The following KDM6B variants were observed in gnomAD, a reference collection of about 807,000 sequenced individuals.
KDM6B encodes lysine-specific demethylase 6B.
KDM6B carries 22 observed loss-of-function variants against 150.4 expected under a neutral mutation model. The ratio of observed to expected loss-of-function variants is 0.15; its 90% confidence interval spans 0.10 to 0.21. KDM6B has a LOEUF of 0.21. Ranked by LOEUF, KDM6B falls within the 10% of genes least tolerant of loss-of-function variation. The pLI is 1.00. For synonymous variants in KDM6B, 1,148 were observed against 921.1 expected (o/e 1.25, Z -4.46); for missense variants, 1,984 against 2,234.3 (o/e 0.89, Z 2.26).
intron 18 of KDM6B, 62 bp downstream of exon 18, chr17:7,851,858 C>G (rs937022541): frequency 1.2e-5 from 19 of 1,570,524 alleles, no homozygotes; most frequent in African/African-American, 2.7e-5. Context: ...GGCGGCGGCG[C>G]TCAGCCGTCA....
intron 2 of KDM6B, among the ~76,000 whole-genome samples, chr17:7,841,470 GAC>G (rs2078412918): frequency 6.6e-6 from 1 of 152,230 alleles, no homozygotes; most frequent in African/African-American, 2.4e-5. Context: ...CATGTGCGGA[GAC>G]ACACGTGATC....
rs768893856 is a variant in KDM6B, at chr17:7,847,852, C to T, written c.1564C>T (p.Arg522Cys). Residue 522 changes from arginine (R) to cysteine (C), a missense_variant, in exon 12 of 24, where the codon CGC becomes TGC. Physicochemically the swap from Arg to Cys is radical, Grantham distance 180. Transcript: ENST00000448097. Reference sequence around the variant, plus strand: ...CCCTGCCCCACCACCCCTCCCCCATCGCGAGGGCTTCTTGGGGCCTCCGGC... The same window carrying T: ...CCCTGCCCCACCACCCCTCCCCCATTGCGAGGGCTTCTTGGGGCCTCCGGC... Reference protein sequence around the residue: ...PRPAPPPLPHREGFLGPPASR... With the variant: ...PRPAPPPLPHCEGFLGPPASR... 9.0e-6 allele frequency: 14 copies of T among 1,548,648 alleles called. No individual in the cohort carries two copies. Among genetic ancestry groups the T allele is most frequent in the Admixed American group, 5.7e-5 (3 of 53,088 alleles).
rs1228092707 is a variant in KDM6B at position 7,854,390 on chromosome 17, A to G, written c.*869A>G. The G allele has an allele frequency of 6.6e-6, 1 of 151,896 alleles. No homozygotes were observed. Among genetic ancestry groups the G allele is most frequent in the Non-Finnish European group, 1.5e-5 (1 of 67,728 alleles). 9.4% of individuals were successfully genotyped at this position (151,896 alleles called of 1,614,324 possible). A position where few individuals can be genotyped will look rare whatever the true frequency, so the allele number is the denominator to read the frequency against. Reference sequence around the variant, plus strand: ...CTGTACTGTAGGGGAAGAAGTGGGAACTGAAATGGTATTTTGTAAAAAAAA... The same window carrying G: ...CTGTACTGTAGGGGAAGAAGTGGGAGCTGAAATGGTATTTTGTAAAAAAAA... On this transcript the variant is annotated 3_prime_UTR_variant, in exon 24 of 24. Coordinates refer to ENST00000448097, the MANE Select transcript of KDM6B (RefSeq NM_001348716.2).
In KDM6B at chr17:7,849,630, CAAG is replaced by C. The variant is rs985282866; in HGVS notation, c.3343_3345del (p.Lys1115del). On this transcript the variant is annotated inframe_deletion, in exon 12 of 24. Transcript: ENST00000448097. ...GGCTCATCAAGGTAGAGAGTGGTGA[CAAG>C]GAGACCTTTATCGCCTCTGAGGTGG... 11 of 1,611,474 alleles carry C rather than the reference CAAG, an allele frequency of 6.8e-6. No homozygotes were observed. The highest frequency in any genetic ancestry group is 9.3e-6 in the Non-Finnish European group (11 of 1,180,022).
Position 7,852,670 on chromosome 17 carries a change from A to G in KDM6B, c.4610+34A>G, listed in dbSNP as rs371416865. The G allele has an allele frequency of 2.7e-4, 441 of 1,613,240 alleles. 2 individuals carry two copies. Among genetic ancestry groups the G allele is most frequent in the East Asian group, 1.1e-4 (5 of 44,892 alleles). On this transcript the variant is annotated intron_variant, in intron 21 of 23. Transcript: ENST00000448097. ...CCTATTTGGGTGGGAGCCCACCTCC[A>G]CTGACTGGTCCCTTTTCTTGTTCTT...
rs1401896928 is a variant in KDM6B at position 7,849,330 on chromosome 17, C to G, written c.3042C>G (p.Ser1014Arg). The G allele has an allele frequency of 6.4e-7, 1 of 1,571,926 alleles. No individual in the cohort carries two copies. Among genetic ancestry groups the G allele is most frequent in the South Asian group, 1.2e-5 (1 of 86,340 alleles). Reference sequence around the variant, plus strand: ...AGGCCAAGGTCCCCAAAGAAAAGAGCCGCCGGGTGCTGGGGAACCTGGACC... The same window carrying G: ...AGGCCAAGGTCCCCAAAGAAAAGAGGCGCCGGGTGCTGGGGAACCTGGACC... The part of the protein sequence containing the change: ...KAKAKVPKEK[S>R]RRVLGNLDLQ... The change falls in exon 12 of 24, where the codon AGC (serine) becomes AGG (arginine). Residue 1014 changes from serine to arginine, a missense_variant. Ser to Arg is a moderately radical substitution (Grantham distance 110). Coordinates refer to ENST00000448097, the MANE Select transcript of KDM6B (RefSeq NM_001348716.2).
rs1358741441 is a variant in KDM6B, at chr17:7,853,257, C to T, written c.4785C>T (p.Arg1595=). Residue 1595 remains arginine (R), a synonymous_variant, in exon 23 of 24, where the codon CGC becomes CGT. Coordinates refer to ENST00000448097, the MANE Select transcript of KDM6B (RefSeq NM_001348716.2). ...TCGTGACAAGTGAGAATGGCAGCCGCAACACGTACCTGGTACACTGCGAGG... is the reference window on the plus strand; with the variant it reads ...TCGTGACAAGTGAGAATGGCAGCCGTAACACGTACCTGGTACACTGCGAGG... ...ILFVTSENGS[R]NTYLVHCEGC... The T allele has an allele frequency of 3.7e-6, 6 of 1,610,798 alleles. No homozygotes were observed. In the South Asian group the frequency reaches 6.6e-5, roughly 18 times the overall value.
Position 7,847,849 on chromosome 17 carries a change from C to A in KDM6B, c.1561C>A (p.His521Asn). The A allele has an allele frequency of 1.3e-6, 2 of 1,567,144 alleles. No individual in the cohort carries two copies. The highest frequency in any genetic ancestry group is 2.3e-5 in the East Asian group (1 of 42,746). The change falls in exon 12 of 24, where the codon CAT becomes AAT. Residue 521 changes from histidine (H) to asparagine (N), a missense_variant. This residue lies in a region of KDM6B where 1,379 missense variants were observed against 1,275.6 expected (regional missense o/e 1.08). Transcript: ENST00000448097. ...PPRPAPPPLPHREGFLGPPAS... is the reference protein window; with the variant it reads ...PPRPAPPPLPNREGFLGPPAS... ...CCGCCCTGCCCCACCACCCCTCCCC[C>A]ATCGCGAGGGCTTCTTGGGGCCTCC...
At chr17:7,851,447 C>T (rs2078693063) in intron 16 of KDM6B, 31 bp from the exon 17 acceptor site, 4 of 1,614,100 alleles carry the variant, frequency 2.5e-6, no homozygotes, top group Non-Finnish European at 3.4e-6. Flanking sequence ...TCCCTCTGCT[C>T]TCCACCAACC....
In KDM6B at chr17:7,848,436, A is replaced by G; in HGVS notation, c.2148A>G (p.Glu716=). 1 of 1,613,034 alleles carries G rather than the reference A, an allele frequency of 6.2e-7. No individual in the cohort carries two copies. Among genetic ancestry groups the G allele is most frequent in the South Asian group, 1.1e-5 (1 of 91,084 alleles). The change falls in exon 12 of 24, where the codon GAA becomes GAG. Residue 716 remains glutamate, a synonymous_variant. Coordinates refer to ENST00000448097, the MANE Select transcript of KDM6B (RefSeq NM_001348716.2). ...IRKEEEQQQH[E]AGVAPQPPLK... ...AGGAAGAGGAACAGCAACAACACGA[A>G]GCAGGCGTGGCCCCCCAACCCCCGC...
At chr17:7,845,788 G>C in intron 5 of KDM6B, 84 bp from the exon 6 acceptor site, 1 of 1,597,404 alleles carries the variant, frequency 6.3e-7, no homozygotes, top group Non-Finnish European at 8.6e-7. Flanking sequence ...CATTCTGTGG[G>C]CTTCCGTGCA....
In KDM6B at chr17:7,853,377, G is replaced by T; in HGVS notation, c.4905G>T (p.Thr1635=). 2 of 1,546,866 alleles carry T rather than the reference G, an allele frequency of 1.3e-6. No homozygotes were observed. The highest frequency in any genetic ancestry group is 8.7e-7 in the Non-Finnish European group (1 of 1,150,266). The change falls in exon 23 of 24, where the codon ACG becomes ACT. Residue 1635 remains threonine (T), a synonymous_variant. Coordinates refer to ENST00000448097, the MANE Select transcript of KDM6B (RefSeq NM_001348716.2). ...EELAQAYDAF[T]LAPASTSR is the part of the protein sequence containing the mutation. ...TGGCTCAGGCCTACGACGCCTTCAC[G>T]CTGGTGAGGGCCCGGCGGGCGCGCG...
Position 7,847,922 on chromosome 17 carries a change from C to T in KDM6B, c.1634C>T (p.Thr545Ile). The T allele has an allele frequency of 1.9e-6, 3 of 1,611,510 alleles. No homozygotes were observed. The South Asian group carries it at 3.3e-5, about 18-fold the overall frequency. ...ACTCAGGATTCTCACACCCCTCCCA[C>T]TCCCCCAACCCCAACCACCAGCAGT... ...VGTQDSHTPP[T>I]PPTPTTSSSN... Residue 545 changes from threonine to isoleucine, a missense_variant, in exon 12 of 24, where the codon ACT (threonine) becomes ATT (isoleucine). Thr to Ile is a moderately conservative substitution (Grantham distance 89, BLOSUM62 -1). Coordinates refer to ENST00000448097, the MANE Select transcript of KDM6B (RefSeq NM_001348716.2).
Position 7,849,213 on chromosome 17 carries a change from ACAGAAGGAGCAT to A in KDM6B, c.2939_2950del (p.Gln980_His983del), listed in dbSNP as rs547582872. On this transcript the variant is annotated inframe_deletion, in exon 12 of 24. Coordinates refer to ENST00000448097, the MANE Select transcript of KDM6B (RefSeq NM_001348716.2). ...CAGTGTCAGGCAGCTGTAAGCGGCG[ACAGAAGGAGCAT>A]CAGAAGGAGCATCGGCGGCACAGGC... 729 of 1,594,762 alleles carry A rather than the reference ACAGAAGGAGCAT, an allele frequency of 4.6e-4. 7 individuals carry two copies. The East Asian group carries it at 0.013, about 27-fold the overall frequency.
chr17:7,852,367 G>A, intron 20 of KDM6B, 31 bp downstream of exon 20: 9 of 1,598,086 alleles, frequency 5.6e-6, no homozygotes, highest in South Asian at 1.1e-5. Context: ...TTGGCGTGGT[G>A]TGGCGCCTCA....
At chr17:7,836,019 C>G (rs2078328574) in intron 1 of KDM6B, among the ~76,000 whole-genome samples, 1 of 152,210 alleles carries the variant, frequency 6.6e-6, no homozygotes, top group African/African-American at 2.4e-5. Flanking sequence ...TGGTTTCCGG[C>G]CCCATCTGCT....
At position 7,847,699 on chromosome 17, in the gene KDM6B, C is replaced by A. The variant is rs1385822362; in HGVS notation, c.1411C>A (p.Pro471Thr). Residue 471 changes from proline (P) to threonine (T), a missense_variant, in exon 12 of 24, where the codon CCC (proline) becomes ACC (threonine). Pro to Thr is a conservative substitution (Grantham distance 38). Around this residue, in one of 13 missense-constraint regions of KDM6B, gnomAD observed 1,379 missense variants for 1,275.6 expected, o/e 1.08. Transcript: ENST00000448097. ...LPPGPSSPPP[P>T]PCPRLLRPPP... Reference sequence around the variant, plus strand: ...ACCTGGACCTTCCTCACCCCCTCCACCCCCCTGTCCCCGCCTCTTACGCCC... The same window carrying A: ...ACCTGGACCTTCCTCACCCCCTCCAACCCCCTGTCCCCGCCTCTTACGCCC... 7.2e-6 allele frequency: 11 copies of A among 1,538,062 alleles called. No homozygotes were observed. Among genetic ancestry groups the A allele is most frequent in the African/African-American group, 5.7e-5 (4 of 70,312 alleles).
chr17:7,849,696 C>T lies in KDM6B; in HGVS notation c.3408C>T (p.Ser1136=). ...RRLRMADLTI[S]HCAADVVRAS... ...TGCGCATGGCAGACCTCACCATCAG[C>T]CACTGTGCTGCTGACGTCGTGCGCG... Residue 1136 remains serine (S), a synonymous_variant, in exon 12 of 24, where the codon AGC becomes AGT. Coordinates refer to ENST00000448097, the MANE Select transcript of KDM6B (RefSeq NM_001348716.2). 4 of 1,610,634 alleles carry T rather than the reference C, an allele frequency of 2.5e-6. No homozygotes were observed. The highest frequency in any genetic ancestry group is 2.5e-6 in the Non-Finnish European group (3 of 1,179,902).
chr17:7,837,864 T>C (rs2078354812), intron 1 of KDM6B, among the ~76,000 whole-genome samples: 1 of 152,088 alleles, frequency 6.6e-6, no homozygotes, highest in Admixed American at 6.5e-5. Flanking sequence ...GCGGTAACCG[T>C]AGGAGTTTGT....
Sources: gnomAD v4.1 joint callset for allele counts (sites outside exome capture counted in the v4.1 genomes callset) on GRCh38, gnomAD v4.1.1 for gene constraint, gnomAD v4.1.1 regional missense constraint, MANE v1.5 for transcripts, NCBI Gene and HGNC (gene_info 2026-07-23, HGNC 2026-07-21) for gene names.